The following PPFIA1 variants were observed in gnomAD, a reference collection of about 807,000 sequenced individuals.
PPFIA1 encodes the protein PPFI scaffold protein A1.
In PPFIA1, 25 loss-of-function variants were observed where a neutral mutation model predicts 149.9. The ratio of observed to expected loss-of-function variants is 0.17; its 90% CI spans 0.12 to 0.23. PPFIA1 has a LOEUF of 0.23. Among genes scored for constraint, PPFIA1 ranks in the 10% least tolerant of loss-of-function variants. The pLI is 1.00. For missense variants in PPFIA1, 1,362 were observed against 1,506.5 expected (o/e 0.90, Z 1.59); for synonymous variants, 549 against 552.8 (o/e 0.99, Z 0.10).
At chr11:70,315,607 T>C (rs909627108) in intron 2 of PPFIA1, among the ~76,000 whole-genome samples, 3 of 151,834 alleles carry the variant, frequency 2.0e-5, no homozygotes, top group African/African-American at 7.3e-5. Flanking sequence ...CATGTCCTTG[T>C]GTCCATTTAT....
At chr11:70,300,905 A>AG (rs915811518) in intron 2 of PPFIA1, among the ~76,000 whole-genome samples, 6 of 152,174 alleles carry the variant, frequency 3.9e-5, no homozygotes, top group African/African-American at 7.2e-5. Flanking sequence ...ATAAGCCATG[A>AG]GGGGGCAAAA....
At chr11:70,288,483 T>C (rs1222953073) in intron 2 of PPFIA1, among the ~76,000 whole-genome samples, 2 of 152,122 alleles carry the variant, frequency 1.3e-5, no homozygotes, top group Non-Finnish European at 2.9e-5. Context: ...CCTTTGACTC[T>C]TTCTCTGCAA....
In PPFIA1 at chr11:70,338,443, C is replaced by A; in HGVS notation, c.1561C>A (p.Leu521Ile). The A allele has an allele frequency of 6.2e-7, 1 of 1,609,728 alleles. No homozygotes were observed. Among genetic ancestry groups the A allele is most frequent in the Non-Finnish European group, 8.5e-7 (1 of 1,176,032 alleles). The change falls in exon 13 of 28, where the codon CTT (leucine) becomes ATT (isoleucine). Residue 521 changes from leucine to isoleucine, a missense_variant. Leu to Ile is a conservative substitution (Grantham distance 5). Around this residue, in one of 7 missense-constraint regions of PPFIA1, gnomAD observed 733 missense variants for 744.1 expected, o/e 0.99. Coordinates refer to ENST00000253925, the MANE Select transcript of PPFIA1 (RefSeq NM_003626.5). ...LDHMRLRGASLHHGRPHLGSV... is the reference protein window; with the variant it reads ...LDHMRLRGASIHHGRPHLGSV... ...CCACATGAGACTAAGAGGTGCTTCA[C>A]TTCATCATGGGTATGGTATTAACCA... is the stretch of plus-strand genomic sequence containing the variant.
intron 2 of PPFIA1, among the ~76,000 whole-genome samples, chr11:70,302,200 A>G (rs2052529846): frequency 6.6e-6 from 1 of 152,200 alleles, no homozygotes; most frequent in South Asian, 2.1e-4. Flanking sequence ...TTCAGCATCA[A>G]GGGGATCGTG....
chr11:70,300,776 G>T (rs542718465), intron 2 of PPFIA1, among the ~76,000 whole-genome samples: 1 of 152,170 alleles, frequency 6.6e-6, no homozygotes, highest in East Asian at 1.9e-4. Context: ...CTTGTGATCC[G>T]CCCGCCTTGG....
chr11:70,368,568 G>A (rs1449589029), intron 21 of PPFIA1, among the ~76,000 whole-genome samples: 1 of 152,142 alleles, frequency 6.6e-6, no homozygotes, highest in Admixed American at 6.5e-5. Flanking sequence ...CTTTTTCATT[G>A]TACACATTTT....
rs1266471461 is a variant in PPFIA1 at position 70,326,578 on chromosome 11, T to G, written c.709-19T>G. 1 of 1,578,988 alleles carries G rather than the reference T, an allele frequency of 6.3e-7. No homozygotes were observed. Among genetic ancestry groups the G allele is most frequent in the African/African-American group, 1.4e-5 (1 of 72,618 alleles). On this transcript the variant is annotated intron_variant, in intron 6 of 27. Transcript: ENST00000253925. ...TCACCAAACAAGGGTATTTAAGGAT[T>G]TTTTTTTCCCCCTATCAGAGATCTT... is the stretch of plus-strand genomic sequence containing the variant.
At chr11:70,371,112 A>C (rs1225392198) in intron 21 of PPFIA1, among the ~76,000 whole-genome samples, 1 of 152,224 alleles carries the variant, frequency 6.6e-6, no homozygotes, top group African/African-American at 2.4e-5. Context: ...AGCCTGGGCG[A>C]CAGAGGGAGC....
intron 16 of PPFIA1, among the ~76,000 whole-genome samples, chr11:70,350,561 G>A (rs2055995210): frequency 6.6e-6 from 1 of 152,154 alleles, no homozygotes; most frequent in African/African-American, 2.4e-5. Context: ...TTACATTAAT[G>A]TCCAACAGGT....
intron 2 of PPFIA1, among the ~76,000 whole-genome samples, chr11:70,322,494 C>A (rs1028142135): frequency 6.6e-6 from 1 of 152,138 alleles, no homozygotes; most frequent in Admixed American, 6.5e-5. Flanking sequence ...GCCCAGGAGC[C>A]CGCTTCTGAA....
chr11:70,270,732 C>T lies in PPFIA1; in HGVS notation c.-183C>T, dbSNP rs1341221170. ...AGCCGGGCCCGCTCCTCCTCCGCTC[C>T]GCCAGTGTCCGGCCGCGGGCCGGCC... On this transcript the variant is annotated 5_prime_UTR_variant, in exon 1 of 28. Transcript: ENST00000253925. The T allele has an allele frequency of 6.6e-6, 1 of 150,866 alleles. No individual in the cohort carries two copies. The highest frequency in any genetic ancestry group is 2.1e-4 in the South Asian group (1 of 4,810). 9.3% of individuals were successfully genotyped at this position (150,866 alleles called of 1,614,324 possible). A position where few individuals can be genotyped will look rare whatever the true frequency, so the allele number is the denominator to read the frequency against.
chr11:70,279,884 C>T (rs2050641602), intron 2 of PPFIA1, among the ~76,000 whole-genome samples: 2 of 103,058 alleles, frequency 1.9e-5, no homozygotes, highest in African/African-American at 6.3e-5. Flanking sequence ...CCACCGTGTC[C>T]GGCCTGTGTG....
chr11:70,337,300 C>A, intron 11 of PPFIA1, 65 bp from the exon 12 acceptor site: 4 of 1,087,880 alleles, frequency 3.7e-6, no homozygotes, highest in South Asian at 1.6e-5. Flanking sequence ...TAAACGAATA[C>A]AGCCATGCTA....
At chr11:70,358,912 T>C (rs2056495482) in intron 19 of PPFIA1, among the ~76,000 whole-genome samples, 3 of 152,216 alleles carry the variant, frequency 2.0e-5, no homozygotes, top group African/African-American at 7.2e-5. Context: ...CCCAGCGTTC[T>C]TGAAACACCA....
intron 2 of PPFIA1, among the ~76,000 whole-genome samples, chr11:70,300,456 G>A (rs576208027): frequency 2.6e-5 from 4 of 151,768 alleles, no homozygotes; most frequent in Non-Finnish European, 2.9e-5. Context: ...TGCAGCCTCC[G>A]TCTCCTGGGT....
intron 26 of PPFIA1, among the ~76,000 whole-genome samples, chr11:70,380,134 G>A (rs1048352117): frequency 2.6e-5 from 4 of 151,754 alleles, no homozygotes; most frequent in Non-Finnish European, 4.4e-5. Flanking sequence ...TAGGCCGGGC[G>A]CGGTGGCTCA....
chr11:70,299,466 T>G, intron 2 of PPFIA1, among the ~76,000 whole-genome samples: 1 of 152,198 alleles, frequency 6.6e-6, no homozygotes, highest in South Asian at 2.1e-4. Flanking sequence ...TAGCACTTGC[T>G]ATCCACAAAG....
intron 19 of PPFIA1, among the ~76,000 whole-genome samples, chr11:70,360,680 C>T (rs557572728): frequency 2.0e-4 from 30 of 152,384 alleles, no homozygotes; most frequent in Admixed American, 1.6e-3. Context: ...CGCCCTTCCT[C>T]CCAACCTCTT....
At chr11:70,318,536 G>T (rs2053762264) in intron 2 of PPFIA1, among the ~76,000 whole-genome samples, 1 of 152,142 alleles carries the variant, frequency 6.6e-6, no homozygotes, top group Non-Finnish European at 1.5e-5. Flanking sequence ...TCCTGCAAAG[G>T]TCTTTCTTGA....
Sources: gnomAD v4.1 joint callset for allele counts (sites outside exome capture counted in the v4.1 genomes callset) on GRCh38, gnomAD v4.1.1 for gene constraint, gnomAD v4.1.1 regional missense constraint, MANE v1.5 for transcripts, NCBI Gene and HGNC (gene_info 2026-07-23, HGNC 2026-07-21) for gene names.